The following SORT1 variants were observed in gnomAD, a reference collection of about 807,000 sequenced individuals.
SORT1 encodes sortilin 1, also known as sortilin.
Under a neutral mutation model 101.7 loss-of-function variants are expected in SORT1, and 39 were observed. The ratio of observed to expected loss-of-function variants is 0.38; its 90% CI spans 0.30 to 0.50. SORT1 has a LOEUF of 0.50. Ranked by LOEUF, SORT1 falls within the 20% of genes least tolerant of loss-of-function variation. The pLI is 0.90. For synonymous variants in SORT1, 396 were observed against 393.7 expected (o/e 1.01, Z -0.07); for missense variants, 878 against 1,040.4 (o/e 0.84, Z 2.15).
Position 109,314,738 on chromosome 1 carries a change from AC to A in SORT1, c.2290del (p.Val764TrpfsTer3). On this transcript the variant is annotated frameshift_variant, in exon 18 of 20. Coordinates refer to ENST00000256637, the MANE Select transcript of SORT1 (RefSeq NM_002959.7). LOFTEE classifies it high-confidence loss of function. ...TACGACTGTGACCAGCATCAATCCC[AC>A]GATGGCCAGGATAATTGGAACAGAA... ...SNSVPIILAI[V>X]GLMLVTVVAG... is the part of the protein sequence containing the mutation. The A allele has an allele frequency of 6.2e-7, 1 of 1,611,622 alleles. No homozygotes were observed. The highest frequency in any genetic ancestry group is 8.5e-7 in the Non-Finnish European group (1 of 1,177,716).
chr1:109,322,468 T>G (rs1368009498), intron 15 of SORT1, among the ~76,000 whole-genome samples: 1 of 152,236 alleles, frequency 6.6e-6, no homozygotes, highest in East Asian at 1.9e-4. Flanking sequence ...AATTCTGGTT[T>G]CCTTTCTCTG....
intron 10 of SORT1, 83 bp downstream of exon 10, chr1:109,340,624 GCTTGGCAAGCAACATTA>G: frequency 8.2e-7 from 1 of 1,220,318 alleles, no homozygotes; most frequent in Non-Finnish European, 1.2e-6. Flanking sequence ...AGGCTTGTTG[GCTTGGCAAGCAACATTA>G]CTAGGGGACA....
In SORT1 at chr1:109,311,593, G is replaced by A. The variant is rs1658733621; in HGVS notation, c.*2450C>T. On this transcript the variant is annotated 3_prime_UTR_variant, in exon 20 of 20. Coordinates refer to ENST00000256637, the MANE Select transcript of SORT1 (RefSeq NM_002959.7). Reference sequence around the variant, plus strand: ...GGATGGGGAGGGAGACCCATCAGTGGAGAGTCCACTCCTGCACTCTTGAGC... The same window carrying A: ...GGATGGGGAGGGAGACCCATCAGTGAAGAGTCCACTCCTGCACTCTTGAGC... 1 of 152,268 alleles carries A rather than the reference G, an allele frequency of 6.6e-6. No individual in the cohort carries two copies. Among genetic ancestry groups the A allele is most frequent in the African/African-American group, 2.4e-5 (1 of 41,464 alleles). 9.4% of individuals were successfully genotyped at this position (152,268 alleles called of 1,614,324 possible). A position where few individuals can be genotyped will look rare whatever the true frequency, so the allele number is the denominator to read the frequency against.
At chr1:109,338,825 G>A (rs768581395) in intron 10 of SORT1, among the ~76,000 whole-genome samples, 9 of 151,910 alleles carry the variant, frequency 5.9e-5, no homozygotes, top group African/African-American at 7.2e-5. Context: ...CTCCTCCCCC[G>A]GCATCACCCA....
At chr1:109,389,753 T>C (rs952544860) in intron 1 of SORT1, 2 of 152,224 alleles carry the variant, frequency 1.3e-5, no homozygotes, top group African/African-American at 4.8e-5. Flanking sequence ...GCACTTCAAG[T>C]ATAAAGGATG....
chr1:109,345,629 C>A, intron 8 of SORT1, 122 bp downstream of exon 8: 1 of 918,014 alleles, frequency 1.1e-6, no homozygotes. Flanking sequence ...CCCTAACACT[C>A]ACAGTGGTAC....
intron 15 of SORT1, among the ~76,000 whole-genome samples, chr1:109,322,583 C>T (rs1192307882): frequency 6.6e-6 from 1 of 152,186 alleles, no homozygotes; most frequent in African/African-American, 2.4e-5. Context: ...GGCTGGAGTG[C>T]AATGGCATGA....
intron 7 of SORT1, among the ~76,000 whole-genome samples, chr1:109,346,562 G>A (rs554434636): frequency 2.6e-5 from 4 of 151,534 alleles, no homozygotes; most frequent in Admixed American, 6.6e-5. Context: ...TGGCTAACAC[G>A]GTGAAACCCC....
chr1:109,359,327 C>CCAT (rs1319189032), intron 3 of SORT1, among the ~76,000 whole-genome samples: 1 of 152,114 alleles, frequency 6.6e-6, no homozygotes, highest in Non-Finnish European at 1.5e-5. Context: ...CCTCCTAATA[C>CCAT]CATCGCACTA....
chr1:109,355,390 T>G lies in SORT1; in HGVS notation c.520A>C (p.Ile174Leu). ...TFIRTEFGMA[I>L]GPENSGKVVL... The stretch of plus-strand genomic sequence containing the variant: ...ACCTTTCCAGAGTTCTCAGGACCAA[T>G]AGCCATGCCAAATTCAGTCCGAATA... The change falls in exon 4 of 20, where the codon ATT (isoleucine) becomes CTT (leucine). Residue 174 changes from isoleucine to leucine, a missense_variant. Around this residue, in one of 2 missense-constraint regions of SORT1, gnomAD observed 684 missense variants for 894.5 expected, o/e 0.76. Coordinates refer to ENST00000256637, the MANE Select transcript of SORT1 (RefSeq NM_002959.7). 1 of 1,593,834 alleles carries G rather than the reference T, an allele frequency of 6.3e-7. No homozygotes were observed. Among genetic ancestry groups the G allele is most frequent in the Non-Finnish European group, 8.6e-7 (1 of 1,161,590 alleles).
chr1:109,336,421 ACT>A, intron 10 of SORT1, 75 bp from the exon 11 acceptor site: 1 of 948,582 alleles, frequency 1.1e-6, no homozygotes, highest in Non-Finnish European at 1.7e-6. Flanking sequence ...TCACTGCATG[ACT>A]CTCTCCTGAG....
Position 109,379,612 on chromosome 1 carries a change from C to T in SORT1, c.307-10023G>A, listed in dbSNP as rs146836994. On this transcript the variant is annotated intron_variant, in intron 1 of 19. Transcript: ENST00000256637. ...ATACAGTCATTCAGATGACCTAATC[C>T]TACCCTAGGATAGGAAGCACAGAAG... 1.1e-4 allele frequency among the ~76,000 whole-genome samples: 17 copies of T among 152,280 alleles called. 1 individual carries two copies. The East Asian group carries it at 3.3e-3, about 29-fold the overall frequency.
At chr1:109,318,027 T>C in intron 15 of SORT1, 58 bp from the exon 16 acceptor site, 2 of 1,096,936 alleles carry the variant, frequency 1.8e-6, no homozygotes, top group Non-Finnish European at 1.4e-6. Flanking sequence ...GTTAAGTGAC[T>C]AGCAATGAAG....
At chr1:109,351,570 G>A (rs944153857) in intron 5 of SORT1, among the ~76,000 whole-genome samples, 1 of 152,208 alleles carries the variant, frequency 6.6e-6, no homozygotes, top group African/African-American at 2.4e-5. Context: ...AAGCCATCAG[G>A]CATTACCTGA....
chr1:109,393,864 AATAT>A (rs769655289), intron 1 of SORT1, among the ~76,000 whole-genome samples: 4 of 151,662 alleles, frequency 2.6e-5, no homozygotes, highest in Non-Finnish European at 4.4e-5. Context: ...ATGTAATACA[AATAT>A]ATATTTATAC....
In SORT1 at chr1:109,313,102, G is replaced by C. The variant is rs1157117405; in HGVS notation, c.*941C>G. The C allele has an allele frequency of 6.6e-6, 1 of 152,200 alleles. No individual in the cohort carries two copies. The highest frequency in any genetic ancestry group is 1.5e-5 in the Non-Finnish European group (1 of 68,026). 9.4% of individuals were successfully genotyped at this position (152,200 alleles called of 1,614,324 possible). A position where few individuals can be genotyped will look rare whatever the true frequency, so the allele number is the denominator to read the frequency against. On this transcript the variant is annotated 3_prime_UTR_variant, in exon 20 of 20. Transcript: ENST00000256637. ...AGAAGGGAACATGGAAGACTGTGAGGTTCCGTCTTCGGGGGTTCACACTGT... is the reference window on the plus strand; with the variant it reads ...AGAAGGGAACATGGAAGACTGTGAGCTTCCGTCTTCGGGGGTTCACACTGT...
intron 10 of SORT1, among the ~76,000 whole-genome samples, chr1:109,336,812 GAAA>G (rs11356350): frequency 1.5e-5 from 2 of 135,578 alleles, no homozygotes; most frequent in Non-Finnish European, 3.1e-5. Context: ...TCTTGTCTCA[GAAA>G]AAAAAAAAAA....
At chr1:109,356,905 AAATTT>A (rs779658989) in intron 3 of SORT1, among the ~76,000 whole-genome samples, 22 of 152,224 alleles carry the variant, frequency 1.4e-4, no homozygotes, top group Non-Finnish European at 2.5e-4. Context: ...AATGTTCATT[AAATTT>A]AAGTATCCAT....
At chr1:109,340,395 C>T (rs1353764860) in intron 10 of SORT1, among the ~76,000 whole-genome samples, 2 of 152,016 alleles carry the variant, frequency 1.3e-5, no homozygotes, top group African/African-American at 4.8e-5. Flanking sequence ...GTTACCAGAG[C>T]TGGGTGACTG....
Sources: gnomAD v4.1 joint callset for allele counts (sites outside exome capture counted in the v4.1 genomes callset) on GRCh38, gnomAD v4.1.1 for gene constraint, gnomAD v4.1.1 regional missense constraint, MANE v1.5 for transcripts, NCBI Gene and HGNC (gene_info 2026-07-23, HGNC 2026-07-21) for gene names.